Variants in SUPT16H observed in about 807,000 individuals in gnomAD.
SUPT16H encodes the protein SPT16 homolog, facilitates chromatin remodeling subunit.
In SUPT16H, 24 loss-of-function variants were observed where a neutral mutation model predicts 136.2. The ratio of observed to expected loss-of-function variants is 0.18; its 90% CI spans 0.13 to 0.25. SUPT16H has a LOEUF of 0.25. SUPT16H is among the 10% of genes least tolerant of loss of function. The pLI, the probability that SUPT16H is intolerant of heterozygous loss-of-function variation, is 1.00. For synonymous variants in SUPT16H, 415 were observed against 428.2 expected, an observed-to-expected ratio of 0.97 and a Z score of 0.38; for missense variants, 623 against 1,270.2, an observed-to-expected ratio of 0.49 and a Z score of 7.74.
intron 11 of SUPT16H, 49 bp downstream of exon 11, chr14:21,363,389 C>T: frequency 6.2e-7 from 1 of 1,607,822 alleles, no homozygotes; most frequent in Non-Finnish European, 8.5e-7. Context: ...TATTATTTAA[C>T]TTCTTTATAT....
intron 7 of SUPT16H, 64 bp downstream of exon 7, chr14:21,368,205 C>T (rs1886712079): frequency 6.5e-7 from 1 of 1,534,958 alleles, no homozygotes; most frequent in Non-Finnish European, 8.8e-7. Flanking sequence ...GTGTGACCCA[C>T]AGCTCCCGGC....
At chr14:21,357,508 T>A in intron 21 of SUPT16H, 142 bp from the exon 22 acceptor site, 2 of 726,722 alleles carry the variant, frequency 2.8e-6, no homozygotes, top group Non-Finnish European at 4.0e-6. Context: ...ACTGAGGCAG[T>A]ACAACATACT....
In SUPT16H at chr14:21,369,866, T is replaced by C. The variant is rs1886748885; in HGVS notation, c.514A>G (p.Ile172Val). The change falls in exon 5 of 26, where the codon ATC becomes GTC. Residue 172 changes from isoleucine to valine, a missense_variant. Ile to Val is a conservative substitution (Grantham distance 29). Transcript: ENST00000216297. Reference protein sequence around the residue: ...IDISAVVAYTIAVKEDGELNL... With the variant: ...IDISAVVAYTVAVKEDGELNL... ...AGCTCCCCATCCTCCTTTACAGCGA[T>C]GGTATATGCCACAACTGCACTGATA... The C allele has an allele frequency of 1.2e-6, 2 of 1,614,162 alleles. No homozygotes were observed. The highest frequency in any genetic ancestry group is 8.5e-7 in the Non-Finnish European group (1 of 1,180,010).
chr14:21,383,547 C>T, intron 1 of SUPT16H: 1 of 671,098 alleles, frequency 1.5e-6, no homozygotes, highest in South Asian at 1.6e-5. Flanking sequence ...GGCAGCAAGA[C>T]GTGACCACGG....
chr14:21,356,564 A>C (rs1042336955), intron 22 of SUPT16H, among the ~76,000 whole-genome samples: 3 of 152,160 alleles, frequency 2.0e-5, no homozygotes, highest in African/African-American at 7.2e-5. Flanking sequence ...TGCATCCTAG[A>C]ATAACCTCAT....
Position 21,360,400 on chromosome 14 carries a change from A to C in SUPT16H, c.2175+15T>G, listed in dbSNP as rs768366230. 6.4e-7 allele frequency: 1 copy of C among 1,568,942 alleles called. No homozygotes were observed. The highest frequency in any genetic ancestry group is 8.7e-7 in the Non-Finnish European group (1 of 1,143,676). ...TTGCCCAAGAGCTGACAGCTAGTTA[A>C]GTAGAAAGGTATACCTTGAGGTGAA... On this transcript the variant is annotated intron_variant, in intron 18 of 25. Coordinates refer to ENST00000216297, the MANE Select transcript of SUPT16H (RefSeq NM_007192.4).
chr14:21,353,410 C>G, intron 25 of SUPT16H, 78 bp downstream of exon 25: 2 of 1,446,796 alleles, frequency 1.4e-6, no homozygotes, highest in Non-Finnish European at 1.9e-6. Flanking sequence ...GCCATCAATA[C>G]TAACACCTCA....
At chr14:21,353,109 T>C (rs1886356921) in intron 25 of SUPT16H, among the ~76,000 whole-genome samples, 1 of 152,236 alleles carries the variant, frequency 6.6e-6, no homozygotes, top group African/African-American at 2.4e-5. Context: ...AGTAACTAGA[T>C]TAGCATTATA....
rs549688815 is a variant in SUPT16H, at chr14:21,369,408, G to C, written c.631-53C>G. The stretch of plus-strand genomic sequence containing the variant: ...CACTTACTAGAGGGTAGCAAAGCGG[G>C]GTGTGTGGACACTATGATTTGAAGA... On this transcript the variant is annotated intron_variant, in intron 5 of 25. Coordinates refer to ENST00000216297, the MANE Select transcript of SUPT16H (RefSeq NM_007192.4). The C allele has an allele frequency of 1.0e-5, 16 of 1,606,742 alleles. 1 individual carries two copies. The South Asian group carries it at 1.5e-4, about 16-fold the overall frequency.
chr14:21,355,354 A>G (rs147435001), intron 22 of SUPT16H, among the ~76,000 whole-genome samples: 2,143 of 152,058 alleles, frequency 0.014, 48 homozygotes, highest in African/African-American at 0.047. Context: ...TTAGCCAGGC[A>G]TGGTAGCACG....
intron 10 of SUPT16H, 122 bp from the exon 11 acceptor site, chr14:21,363,625 A>C (rs1190391503): frequency 3.6e-6 from 3 of 837,964 alleles, no homozygotes; most frequent in Non-Finnish European, 5.7e-6. Flanking sequence ...CAATGAATAA[A>C]TATAGTTTTT....
At position 21,365,112 on chromosome 14, in the gene SUPT16H, A is replaced by T. The variant is rs1269610740; in HGVS notation, c.1078T>A (p.Ser360Thr). The change falls in exon 9 of 26, where the codon TCC becomes ACC. Residue 360 changes from serine (S) to threonine (T), a missense_variant. Ser to Thr is a moderately conservative substitution (Grantham distance 58). This residue lies in a region of SUPT16H where 343 missense variants were observed against 525.7 expected (regional missense o/e 0.65). Coordinates refer to ENST00000216297, the MANE Select transcript of SUPT16H (RefSeq NM_007192.4). ...FGMGIEFREGSLVINSKNQYK... is the reference protein window; with the variant it reads ...FGMGIEFREGTLVINSKNQYK... ...TGATTTTTGCTATTGATTACTAGGGAGCCTTCACGGAATTCAATTCCCATC... is the reference window on the plus strand; with the variant it reads ...TGATTTTTGCTATTGATTACTAGGGTGCCTTCACGGAATTCAATTCCCATC... The T allele has an allele frequency of 6.2e-7, 1 of 1,613,884 alleles. No individual in the cohort carries two copies. Among genetic ancestry groups the T allele is most frequent in the Non-Finnish European group, 8.5e-7 (1 of 1,179,908 alleles).
intron 19 of SUPT16H, 95 bp from the exon 20 acceptor site, chr14:21,358,522 A>G (rs1368321856): frequency 1.2e-6 from 1 of 866,200 alleles, no homozygotes; most frequent in Non-Finnish European, 1.8e-6. Context: ...TAAAATAAAA[A>G]TTCCAACTTT....
At position 21,352,951 on chromosome 14, in the gene SUPT16H, G is replaced by A. The variant is rs546653267; in HGVS notation, c.2999-133C>T. The A allele has an allele frequency of 5.1e-5, 62 of 1,206,700 alleles. No individual in the cohort carries two copies. In the South Asian group the frequency reaches 8.3e-4, roughly 16 times the overall value. The allele number at this position is 1,206,700 out of a possible 1,614,324, so 74.7% of individuals were successfully genotyped here. On this transcript the variant is annotated intron_variant, in intron 25 of 25. Coordinates refer to ENST00000216297, the MANE Select transcript of SUPT16H (RefSeq NM_007192.4). ...TTTTAATATTGGGCAAGTACTTTCT[G>A]AACCTTGGTTTATTTACAAAAGGGA...
intron 15 of SUPT16H, among the ~76,000 whole-genome samples, chr14:21,361,514 G>C (rs1282036692): frequency 6.6e-6 from 1 of 151,672 alleles, no homozygotes; most frequent in African/African-American, 2.4e-5. Flanking sequence ...ACAGGGTTTT[G>C]CCATGTTGAC....
rs372271570 is a variant in SUPT16H, at chr14:21,366,434, C to T, written c.1046+5G>A. 3.1e-6 allele frequency: 5 copies of T among 1,613,428 alleles called. No individual in the cohort carries two copies. The African/African-American group carries it at 5.3e-5, about 17-fold the overall frequency. On this transcript the variant is annotated splice_donor_5th_base_variant and intron_variant, in intron 8 of 25. Transcript: ENST00000216297. ...TCAAGAATGACAATAGACATCATGG[C>T]ATACCCTAGGTTTTTGGTAATTTTG...
chr14:21,374,535 G>A (rs920527562), intron 1 of SUPT16H, among the ~76,000 whole-genome samples: 7 of 152,118 alleles, frequency 4.6e-5, no homozygotes, highest in Non-Finnish European at 8.8e-5. Context: ...CCACTAACCT[G>A]TCTCTATGGA....
Position 21,362,178 on chromosome 14 carries a change from A to T in SUPT16H, c.1793+19T>A. 6.2e-7 allele frequency: 1 copy of T among 1,609,722 alleles called. No homozygotes were observed. The highest frequency in any genetic ancestry group is 8.5e-7 in the Non-Finnish European group (1 of 1,179,012). ...TCCAGACAAGATGAATCTGGGTATG[A>T]CTTTTCTTGGGGACTCACATTTCCT... On this transcript the variant is annotated intron_variant, in intron 15 of 25. Transcript: ENST00000216297.
At chr14:21,379,627 C>G (rs981173577) in intron 1 of SUPT16H, among the ~76,000 whole-genome samples, 1 of 151,334 alleles carries the variant, frequency 6.6e-6, no homozygotes, top group African/African-American at 2.4e-5. Flanking sequence ...CCGAGGTGGG[C>G]GGATCGCTTG....
Sources: allele counts gnomAD v4.1 joint callset (sites outside exome capture counted in the v4.1 genomes callset), GRCh38; gene constraint gnomAD v4.1.1; regional missense constraint gnomAD v4.1.1; transcripts MANE v1.5; gene names NCBI Gene and HGNC (gene_info 2026-07-23, HGNC 2026-07-21).